The following RSBN1L variants were observed in gnomAD, a reference collection of about 807,000 sequenced individuals.
RSBN1L encodes round spermatid basic protein 1 like.
In RSBN1L, 30 loss-of-function variants were observed where a neutral mutation model predicts 67.7. The ratio of observed to expected loss-of-function variants is 0.44; its 90% CI spans 0.33 to 0.60. The LOEUF (loss-of-function observed/expected upper bound fraction) is 0.60, where lower values mean the gene tolerates loss of function less well. Ranked by LOEUF, RSBN1L falls within the 20% of genes least tolerant of loss-of-function variation. The pLI is 0.02. For missense variants in RSBN1L, 992 were observed against 1,031.7 expected, an observed-to-expected ratio of 0.96 and a Z score of 0.53; for synonymous variants, 433 against 387.0, an observed-to-expected ratio of 1.12 and a Z score of -1.39.
intron 2 of RSBN1L, among the ~76,000 whole-genome samples, chr7:77,746,461 C>T (rs1372221072): frequency 1.3e-5 from 2 of 152,108 alleles, no homozygotes; most frequent in African/African-American, 4.8e-5. Flanking sequence ...CCTACCAGGC[C>T]CCACCTTCAA....
chr7:77,726,810 C>T (rs1289742230), intron 1 of RSBN1L, among the ~76,000 whole-genome samples: 27 of 138,076 alleles, frequency 2.0e-4, no homozygotes, highest in East Asian at 4.1e-4. Flanking sequence ...GGCAGAGTCT[C>T]GCTCTTGTTG....
chr7:77,746,558 TATC>T (rs1382191048), intron 2 of RSBN1L, among the ~76,000 whole-genome samples: 2 of 152,194 alleles, frequency 1.3e-5, no homozygotes, highest in African/African-American at 4.8e-5. Context: ...CCCTCCCAAA[TATC>T]ATGTCCTTCT....
At chr7:77,700,711 T>G (rs1790804687) in intron 1 of RSBN1L, among the ~76,000 whole-genome samples, 1 of 152,262 alleles carries the variant, frequency 6.6e-6, no homozygotes, top group Non-Finnish European at 1.5e-5. Context: ...TGTAACCTTT[T>G]GTTTTTCATG....
intron 3 of RSBN1L, among the ~76,000 whole-genome samples, chr7:77,762,871 TA>T (rs1224634097): frequency 7.2e-5 from 11 of 152,308 alleles, no homozygotes; most frequent in African/African-American, 2.2e-4. Context: ...AACTACTAGA[TA>T]AATTGAAAGT....
intron 1 of RSBN1L, among the ~76,000 whole-genome samples, chr7:77,727,130 C>T (rs1249464970): frequency 6.6e-6 from 1 of 151,268 alleles, no homozygotes. Context: ...TCTTGTTGCC[C>T]AGGCTGGAGT....
intron 1 of RSBN1L, among the ~76,000 whole-genome samples, chr7:77,725,751 C>T (rs527607663): frequency 1.8e-4 from 27 of 151,972 alleles, no homozygotes; most frequent in Admixed American, 4.6e-4. Flanking sequence ...CCACCATGCC[C>T]GGCTTATTTT....
At chr7:77,770,982 G>T (rs547161586) in intron 5 of RSBN1L, among the ~76,000 whole-genome samples, 128 of 151,942 alleles carry the variant, frequency 8.4e-4, no homozygotes, top group Admixed American at 2.4e-3. Flanking sequence ...TTGCTCTGTC[G>T]CCAGGCTGGA....
At chr7:77,731,410 A>G (rs568774937) in intron 1 of RSBN1L, among the ~76,000 whole-genome samples, 21 of 151,970 alleles carry the variant, frequency 1.4e-4, no homozygotes, top group African/African-American at 4.8e-4. Flanking sequence ...TAATTTTTGT[A>G]CTTTTAGTAG....
chr7:77,717,681 T>A (rs1331148653), intron 1 of RSBN1L, among the ~76,000 whole-genome samples: 1 of 151,924 alleles, frequency 6.6e-6, no homozygotes, highest in Non-Finnish European at 1.5e-5. Flanking sequence ...AAGTAGAAAG[T>A]TGTGGTGTGG....
chr7:77,751,701 T>A (rs928551068), intron 3 of RSBN1L, among the ~76,000 whole-genome samples: 1 of 152,204 alleles, frequency 6.6e-6, no homozygotes, highest in Non-Finnish European at 1.5e-5. Flanking sequence ...CTGAGTATTT[T>A]ATATGTAGTA....
intron 3 of RSBN1L, among the ~76,000 whole-genome samples, chr7:77,753,550 A>G (rs1312647769): frequency 6.6e-6 from 1 of 152,062 alleles, no homozygotes; most frequent in Middle Eastern, 3.2e-3. Context: ...ATTTCCTCTC[A>G]CTTGGTGTCT....
chr7:77,767,070 TC>T (rs1791777520), intron 4 of RSBN1L, among the ~76,000 whole-genome samples: 1 of 124,748 alleles, frequency 8.0e-6, no homozygotes, highest in South Asian at 3.0e-4. Context: ...CCTTTCCCCT[TC>T]CCTTCCCCTT....
intron 1 of RSBN1L, among the ~76,000 whole-genome samples, chr7:77,706,559 G>A (rs189393213): frequency 6.6e-6 from 1 of 152,192 alleles, no homozygotes; most frequent in East Asian, 1.9e-4. Context: ...TTTCATTGGG[G>A]GTTAAAGAAT....
chr7:77,711,516 A>G (rs1790974471), intron 1 of RSBN1L, among the ~76,000 whole-genome samples: 1 of 151,966 alleles, frequency 6.6e-6, no homozygotes, highest in Non-Finnish European at 1.5e-5. Flanking sequence ...ATTTAAAAAA[A>G]GTTTTTCATA....
At chr7:77,709,083 G>T (rs1031414722) in intron 1 of RSBN1L, among the ~76,000 whole-genome samples, 2 of 151,872 alleles carry the variant, frequency 1.3e-5, no homozygotes, top group Admixed American at 1.3e-4. Context: ...TTATCAGATA[G>T]AACTCAAAAT....
rs568078802 is a variant in RSBN1L at position 77,720,725 on chromosome 7, A to C, written c.587-15685A>C. Among the ~76,000 whole-genome samples the C allele has an allele frequency of 6.6e-5, 10 of 151,630 alleles. No individual in the cohort carries two copies. In the South Asian group the frequency reaches 2.1e-3, roughly 32 times the overall value. Reference sequence around the variant, plus strand: ...GCCTGAATTATTTCTATTATATCACAATACATTTGGGGTTTCTTTCTTTTT... The same window carrying C: ...GCCTGAATTATTTCTATTATATCACCATACATTTGGGGTTTCTTTCTTTTT... On this transcript the variant is annotated intron_variant, in intron 1 of 7. Coordinates refer to ENST00000334955, the MANE Select transcript of RSBN1L (RefSeq NM_198467.3).
intron 3 of RSBN1L, chr7:77,759,808 T>G (rs1791674085): frequency 6.6e-6 from 1 of 152,064 alleles, no homozygotes; most frequent in African/African-American, 2.4e-5. Flanking sequence ...AAAAAACAGG[T>G]TTTGAAGTCC....
intron 3 of RSBN1L, among the ~76,000 whole-genome samples, chr7:77,751,684 AGTT>A (rs1208306802): frequency 6.6e-6 from 1 of 152,214 alleles, no homozygotes; most frequent in Non-Finnish European, 1.5e-5. Context: ...GCCAAGGACT[AGTT>A]GTTCTGAGTA....
intron 1 of RSBN1L, among the ~76,000 whole-genome samples, chr7:77,701,226 T>C (rs1790814824): frequency 6.6e-6 from 1 of 151,814 alleles, no homozygotes. Context: ...CTGTCCTTAC[T>C]GCTTTAGCCT....
Sources: gnomAD v4.1 joint callset for allele counts (sites outside exome capture counted in the v4.1 genomes callset) on GRCh38, gnomAD v4.1.1 for gene constraint, MANE v1.5 for transcripts, NCBI Gene and HGNC (gene_info 2026-07-23, HGNC 2026-07-21) for gene names.